The following VPS53 variants were observed in gnomAD, a reference collection of about 807,000 sequenced individuals.
The protein encoded by VPS53 is VPS53 subunit of GARP complex.
In VPS53, 70 loss-of-function variants were observed where a neutral mutation model predicts 107.0. The observed-to-expected ratio is 0.65, with a 90% CI of 0.54 to 0.80. The LOEUF is 0.80. VPS53 is among the 30% of genes least tolerant of loss of function. The probability of loss-of-function intolerance (pLI) is 0.00; values close to 1 mark genes in which losing one functional copy is unlikely to be tolerated. For synonymous variants in VPS53, 409 were observed against 393.3 expected, an observed-to-expected ratio of 1.04 and a Z score of -0.47; for missense variants, 917 against 1,049.4, an observed-to-expected ratio of 0.87 and a Z score of 1.74.
chr17:556,811 C>T (rs531924658), intron 15 of VPS53, among the ~76,000 whole-genome samples: 9 of 147,554 alleles, frequency 6.1e-5, no homozygotes, highest in African/African-American at 2.0e-4. Context: ...GTAAGCCAGC[C>T]GAGACGTAAC....
At position 537,119 on chromosome 17, in the gene VPS53, T is replaced by C. The variant is rs1567605988; in HGVS notation, c.1924A>G (p.Ile642Val). 1.7e-5 allele frequency: 27 copies of C among 1,614,028 alleles called. No homozygotes were observed. The highest frequency in any genetic ancestry group is 2.1e-5 in the Non-Finnish European group (25 of 1,180,030). Residue 642 changes from isoleucine to valine, a missense_variant, in exon 18 of 22, where the codon ATT (isoleucine) becomes GTT (valine). Ile to Val is a conservative substitution (Grantham distance 29). Coordinates refer to ENST00000437048, the MANE Select transcript of VPS53 (RefSeq NM_001128159.3). The stretch of plus-strand genomic sequence containing the variant: ...GGGACGTTCTGCTTGATGTGCAGAA[T>C]GACAGAGGTGACGTAGGGGCTCTGG... Reference protein sequence around the residue: ...GDQSPYVTSVILHIKQNVPII... With the variant: ...GDQSPYVTSVVLHIKQNVPII...
rs142572127 is a variant in VPS53, at chr17:574,337, C to T, written c.1314-11592G>A. ...GGCTCCTTGCCCAAAGTATCATGAA[C>T]AATGAGTATACTTTGTATAAATCAA... On this transcript the variant is annotated intron_variant, in intron 13 of 21. Transcript: ENST00000437048. 7.4e-3 allele frequency among the ~76,000 whole-genome samples: 1,120 copies of T among 152,278 alleles called. 22 individuals carry two copies. The highest frequency in any genetic ancestry group is 0.047 in the Admixed American group (712 of 15,282).
At chr17:627,442 G>A in intron 9 of VPS53, 126 bp from the exon 10 acceptor site, 1 of 1,231,780 alleles carries the variant, frequency 8.1e-7, no homozygotes, top group Non-Finnish European at 1.1e-6. Flanking sequence ...TGGTTTTAAA[G>A]AATCTAGGCT....
At chr17:690,881 A>G (rs141447783) in intron 4 of VPS53, among the ~76,000 whole-genome samples, 30 of 152,350 alleles carry the variant, frequency 2.0e-4, no homozygotes, top group Admixed American at 1.1e-3. Flanking sequence ...AGAAAAATCA[A>G]TAAGTTTTCC....
At chr17:559,883 T>C (rs1037895707) in intron 15 of VPS53, among the ~76,000 whole-genome samples, 2 of 152,248 alleles carry the variant, frequency 1.3e-5, no homozygotes, top group Non-Finnish European at 2.9e-5. Flanking sequence ...ACTATGGCCA[T>C]GTGGGGGCCT....
At chr17:583,874 C>G (rs943397666) in intron 13 of VPS53, among the ~76,000 whole-genome samples, 1 of 149,754 alleles carries the variant, frequency 6.7e-6, no homozygotes, top group Admixed American at 6.6e-5. Flanking sequence ...AACCTCAATG[C>G]GTTCCCAGAG....
At position 672,109 on chromosome 17, in the gene VPS53, G is replaced by GACACACACACACACAC. The variant is rs10630363; in HGVS notation, c.286-10230_286-10215dup. Among the ~76,000 whole-genome samples the GACACACACACACACAC allele has an allele frequency of 1.6e-3, 172 of 108,876 alleles. 2 individuals are homozygous for GACACACACACACACAC. Among genetic ancestry groups the GACACACACACACACAC allele is most frequent in the East Asian group, 8.7e-3 (32 of 3,676 alleles). The allele number at this position is 108,876 out of a possible 152,430, so 71.4% of individuals were successfully genotyped here. A position where few individuals can be genotyped will look rare whatever the true frequency, so the allele number is the denominator to read the frequency against. On this transcript the variant is annotated intron_variant, in intron 4 of 21. Transcript: ENST00000437048. ...GACTACAGGTAGAGATGATGAGGGT[G>GACACACACACACACAC]ACACACACACACACACACACACACA...
chr17:521,813 A>G, intron 19 of VPS53, 75 bp from the exon 20 acceptor site: 1 of 1,362,042 alleles, frequency 7.3e-7, no homozygotes, highest in Non-Finnish European at 9.6e-7. Flanking sequence ...CCGATGAGTC[A>G]TGTTTTTCTC....
intron 13 of VPS53, among the ~76,000 whole-genome samples, chr17:574,425 G>A (rs1914432992): frequency 6.6e-6 from 1 of 152,156 alleles, no homozygotes; most frequent in South Asian, 2.1e-4. Flanking sequence ...CTTTAAACCA[G>A]GTAGGTTTTG....
intron 13 of VPS53, among the ~76,000 whole-genome samples, chr17:565,325 C>G (rs981386337): frequency 6.9e-6 from 1 of 145,006 alleles, no homozygotes. Flanking sequence ...ATCACTTGAA[C>G]CTGGGAGGCG....
Position 532,860 on chromosome 17 carries a change from GC to G in VPS53, c.2066del (p.Ser689ThrfsTer15). ...ATCTCACCTGTTCTGCTCCCACCAT[GC>G]TAATTGGCTTGCACTTGAAGAGGTG... ...ITHLFKCKPI[S>X]MVGAEQLLLD... On this transcript the variant is annotated frameshift_variant, in exon 19 of 22. Coordinates refer to ENST00000437048, the MANE Select transcript of VPS53 (RefSeq NM_001128159.3). LOFTEE classifies it high-confidence loss of function. The G allele has an allele frequency of 1.2e-6, 2 of 1,614,118 alleles. No individual in the cohort carries two copies. The highest frequency in any genetic ancestry group is 1.1e-5 in the South Asian group (1 of 91,056).
In VPS53 at chr17:570,997, T is replaced by C. The variant is rs540508383; in HGVS notation, c.1314-8252A>G. ...TATTAAGGAGTAGTGGCGAATCTTGTCTGCAACTTGAGAATTCAAAGGTTC... is the reference window on the plus strand; with the variant it reads ...TATTAAGGAGTAGTGGCGAATCTTGCCTGCAACTTGAGAATTCAAAGGTTC... On this transcript the variant is annotated intron_variant, in intron 13 of 21. Coordinates refer to ENST00000437048, the MANE Select transcript of VPS53 (RefSeq NM_001128159.3). Among the ~76,000 whole-genome samples the C allele has an allele frequency of 2.2e-4, 33 of 152,304 alleles. No homozygotes were observed. The South Asian group carries it at 6.4e-3, about 30-fold the overall frequency.
intron 4 of VPS53, chr17:675,015 C>T (rs1217585361): frequency 6.6e-6 from 1 of 152,156 alleles, no homozygotes; most frequent in Non-Finnish European, 1.5e-5. Context: ...TGTAATAAAA[C>T]ATTAGCATTA....
At position 537,257 on chromosome 17, in the gene VPS53, G is replaced by A. The variant is rs7219151; in HGVS notation, c.1867-81C>T. ...GTTACTGGGGAAGGGAGGGGCTGGA[G>A]TGGAAGTCAGGTCACAGCTTTGGTA... On this transcript the variant is annotated intron_variant, in intron 17 of 21. Coordinates refer to ENST00000437048, the MANE Select transcript of VPS53 (RefSeq NM_001128159.3). 648,467 of 1,510,090 alleles carry A rather than the reference G, an allele frequency of 0.43. 141,225 individuals carry two copies. Among genetic ancestry groups the A allele is most frequent in the South Asian group, 0.56 (45,242 of 81,052 alleles). 93.5% of individuals were successfully genotyped at this position (1,510,090 alleles called of 1,614,324 possible).
chr17:618,276 G>A (rs1969249121), intron 11 of VPS53, among the ~76,000 whole-genome samples: 2 of 87,846 alleles, frequency 2.3e-5, no homozygotes, highest in Non-Finnish European at 2.7e-5. Flanking sequence ...AATATTTCCC[G>A]GGTAGCTGGG....
At chr17:559,692 G>A (rs957874245) in intron 15 of VPS53, among the ~76,000 whole-genome samples, 3 of 152,208 alleles carry the variant, frequency 2.0e-5, no homozygotes, top group African/African-American at 7.2e-5. Context: ...GTCTTCTTGT[G>A]GTCTAGGCAT....
intron 10 of VPS53, 94 bp downstream of exon 10, chr17:627,080 T>A (rs777468135): frequency 4.8e-5 from 71 of 1,479,994 alleles, no homozygotes; most frequent in Non-Finnish European, 6.1e-5. Flanking sequence ...GGAAGTGGCA[T>A]CAAATCCACA....
At chr17:607,571 T>C (rs1229268784) in intron 11 of VPS53, among the ~76,000 whole-genome samples, 6 of 152,204 alleles carry the variant, frequency 3.9e-5, no homozygotes, top group Admixed American at 1.3e-4. Context: ...CAGGCTTGCT[T>C]TGCAGCTGTC....
chr17:664,362 G>C (rs1971592405), intron 4 of VPS53, among the ~76,000 whole-genome samples: 2 of 152,158 alleles, frequency 1.3e-5, no homozygotes. Flanking sequence ...ACAGACGTGA[G>C]CCGCCGCGCC....
Sources: allele counts gnomAD v4.1 joint callset (sites outside exome capture counted in the v4.1 genomes callset), GRCh38; gene constraint gnomAD v4.1.1; transcripts MANE v1.5; gene names NCBI Gene and HGNC (gene_info 2026-07-23, HGNC 2026-07-21).